RABGAP1: variants seen among roughly 807,000 people sequenced by gnomAD.
RABGAP1 encodes the protein RAB GTPase activating protein 1.
Under a neutral mutation model 137.6 loss-of-function variants are expected in RABGAP1, and 23 were observed. The ratio of observed to expected loss-of-function variants is 0.17; its 90% confidence interval spans 0.12 to 0.24. RABGAP1 has a LOEUF of 0.24. Ranked by LOEUF, RABGAP1 falls within the 10% of genes least tolerant of loss-of-function variation. The probability of loss-of-function intolerance (pLI) is 1.00; values close to 1 mark genes in which losing one functional copy is unlikely to be tolerated. For synonymous variants in RABGAP1, 451 were observed against 450.7 expected (o/e 1.00, Z -0.01); for missense variants, 906 against 1,275.8 (o/e 0.71, Z 4.42).
chr9:123,074,599 C>T (rs779054087), intron 17 of RABGAP1, among the ~76,000 whole-genome samples, 171 bp downstream of exon 17: 8 of 152,110 alleles, frequency 5.3e-5, no homozygotes, highest in South Asian at 2.1e-4. Flanking sequence ...AGCTAATGAT[C>T]GTATTTGTTA....
At chr9:122,975,536 T>C (rs1835719807) in intron 2 of RABGAP1, among the ~76,000 whole-genome samples, 1 of 152,228 alleles carries the variant, frequency 6.6e-6, no homozygotes, top group Admixed American at 6.5e-5. Flanking sequence ...ATGCTGCTTT[T>C]GTACATGAAT....
At chr9:122,984,783 C>G in intron 3 of RABGAP1, 64 bp downstream of exon 3, 1 of 1,426,806 alleles carries the variant, frequency 7.0e-7, no homozygotes, top group Middle Eastern at 1.8e-4. Flanking sequence ...AGTGTCCACC[C>G]TGTACTAGGT....
At position 122,996,524 on chromosome 9, in the gene RABGAP1, G is replaced by A; in HGVS notation, c.1035-15G>A. On this transcript the variant is annotated splice_polypyrimidine_tract_variant and intron_variant, in intron 7 of 25. Coordinates refer to ENST00000373647, the MANE Select transcript of RABGAP1 (RefSeq NM_012197.4). ...TATCTTTTTTCTTAAATTTATGTCA[G>A]TTCTTTTTTTGTAGGTGTTTTGGTC... 5 of 1,593,414 alleles carry A rather than the reference G, an allele frequency of 3.1e-6. No homozygotes were observed. The highest frequency in any genetic ancestry group is 4.3e-6 in the Non-Finnish European group (5 of 1,171,250).
chr9:122,984,773 A>G, intron 3 of RABGAP1, 54 bp downstream of exon 3: 3 of 1,491,710 alleles, frequency 2.0e-6, no homozygotes, highest in Non-Finnish European at 2.8e-6. Context: ...TTAATATGTG[A>G]GTGTCCACCC....
At chr9:122,962,550 G>T (rs949007847) in intron 2 of RABGAP1, among the ~76,000 whole-genome samples, 1 of 151,940 alleles carries the variant, frequency 6.6e-6, no homozygotes, top group Non-Finnish European at 1.5e-5. Flanking sequence ...ATAGTACATT[G>T]TAAGTTCCTA....
At chr9:123,089,534 G>C in intron 19 of RABGAP1, 1 of 477,706 alleles carries the variant, frequency 2.1e-6, no homozygotes, top group Non-Finnish European at 3.8e-6. Flanking sequence ...GTCAGTTAAA[G>C]CCTTAGGACC....
intron 24 of RABGAP1, among the ~76,000 whole-genome samples, chr9:123,100,418 TG>T (rs2035309706): frequency 6.6e-6 from 1 of 151,070 alleles, no homozygotes; most frequent in South Asian, 2.1e-4. Context: ...TGTGTGTGTG[TG>T]TGTGTGTGTG....
At chr9:123,064,099 T>C (rs1424801664) in intron 13 of RABGAP1, among the ~76,000 whole-genome samples, 1 of 152,162 alleles carries the variant, frequency 6.6e-6, no homozygotes, top group Non-Finnish European at 1.5e-5. Context: ...TCGCTTGCTC[T>C]CCCTCTCTCT....
At chr9:123,042,118 G>A (rs2032982308) in intron 13 of RABGAP1, among the ~76,000 whole-genome samples, 1 of 152,196 alleles carries the variant, frequency 6.6e-6, no homozygotes, top group African/African-American at 2.4e-5. Context: ...GAAAGTCTGT[G>A]TGTTAAATAA....
At chr9:123,037,002 C>T (rs958263385) in intron 13 of RABGAP1, among the ~76,000 whole-genome samples, 5 of 152,066 alleles carry the variant, frequency 3.3e-5, no homozygotes, top group Non-Finnish European at 5.9e-5. Flanking sequence ...GCTCCAGGCA[C>T]GAGAGTATTT....
intron 2 of RABGAP1, among the ~76,000 whole-genome samples, chr9:122,958,713 A>G (rs113194114): frequency 2.6e-5 from 4 of 152,158 alleles, no homozygotes; most frequent in African/African-American, 9.7e-5. Context: ...ATTTTTGTCA[A>G]AATTTTGAAA....
At chr9:123,009,743 A>C (rs2030629940) in intron 10 of RABGAP1, among the ~76,000 whole-genome samples, 1 of 152,142 alleles carries the variant, frequency 6.6e-6, no homozygotes, top group African/African-American at 2.4e-5. Flanking sequence ...GGAGTAATCA[A>C]CATTTTTGTG....
intron 13 of RABGAP1, among the ~76,000 whole-genome samples, chr9:123,029,995 G>T (rs74614488): frequency 6.6e-6 from 1 of 152,002 alleles, no homozygotes; most frequent in East Asian, 1.9e-4. Flanking sequence ...TTCATTTCTC[G>T]TTCTGCTTTT....
intron 13 of RABGAP1, among the ~76,000 whole-genome samples, chr9:123,056,489 T>C (rs1479276160): frequency 6.6e-6 from 1 of 151,362 alleles, no homozygotes; most frequent in Non-Finnish European, 1.5e-5. Context: ...TTCTTTTTTT[T>C]TTTTTTTTTA....
chr9:122,962,710 T>G (rs1276856012), intron 2 of RABGAP1, among the ~76,000 whole-genome samples: 2 of 151,882 alleles, frequency 1.3e-5, no homozygotes, highest in African/African-American at 4.8e-5. Context: ...AATGATAAAG[T>G]TGGCACTCCT....
intron 8 of RABGAP1, 122 bp from the exon 9 acceptor site, chr9:122,997,137 C>T (rs1837064274): frequency 1.5e-6 from 1 of 686,928 alleles, no homozygotes; most frequent in South Asian, 1.9e-5. Context: ...CATTCACATA[C>T]ACTTATCCTC....
chr9:123,007,652 G>A (rs1364223193), intron 10 of RABGAP1, among the ~76,000 whole-genome samples: 1 of 144,458 alleles, frequency 6.9e-6, no homozygotes, highest in African/African-American at 2.5e-5. Context: ...GCCCACCTTA[G>A]TCTCCCAAAA....
intron 13 of RABGAP1, among the ~76,000 whole-genome samples, chr9:123,050,617 G>C (rs983859248): frequency 2.0e-5 from 3 of 152,166 alleles, no homozygotes; most frequent in African/African-American, 7.2e-5. Flanking sequence ...TCAGTGTTAA[G>C]TGAGCCCACC....
intron 13 of RABGAP1, among the ~76,000 whole-genome samples, chr9:123,055,251 G>C (rs556666975): frequency 1.3e-5 from 2 of 152,260 alleles, no homozygotes; most frequent in East Asian, 3.9e-4. Context: ...GAATGCAATG[G>C]CACGATCACA....
Sources: allele counts gnomAD v4.1 joint callset (sites outside exome capture counted in the v4.1 genomes callset), GRCh38; gene constraint gnomAD v4.1.1; transcripts MANE v1.5; gene names NCBI Gene and HGNC (gene_info 2026-07-23, HGNC 2026-07-21).